The following SEMA6D variants were observed in gnomAD, a reference collection of about 807,000 sequenced individuals.
SEMA6D encodes the protein semaphorin 6D, also known as semaphorin-6D.
A neutral mutation model predicts 106.6 loss-of-function variants in SEMA6D; 35 were observed. The observed-to-expected ratio is 0.33, with a 90% CI of 0.25 to 0.44. SEMA6D has a LOEUF of 0.44. Among genes scored for constraint, SEMA6D ranks in the 20% least tolerant of loss-of-function variants. The probability of loss-of-function intolerance (pLI) is 1.00; values close to 1 mark genes in which losing one functional copy is unlikely to be tolerated. For missense variants in SEMA6D, 1,185 were observed against 1,345.9 expected, an observed-to-expected ratio of 0.88 and a Z score of 1.87; for synonymous variants, 499 against 487.7, an observed-to-expected ratio of 1.02 and a Z score of -0.31.
chr15:47,217,606 G>T (rs957455569), intron 1 of SEMA6D, among the ~76,000 whole-genome samples: 1 of 145,514 alleles, frequency 6.9e-6, no homozygotes, highest in East Asian at 2.0e-4. Flanking sequence ...TAATCCTCTG[G>T]GAGTATATGT....
intron 1 of SEMA6D, among the ~76,000 whole-genome samples, chr15:47,224,197 A>G (rs1475677875): frequency 6.6e-6 from 1 of 150,570 alleles, no homozygotes; most frequent in Non-Finnish European, 1.5e-5. Flanking sequence ...ATTAAATTTA[A>G]AAAAAAAAGA....
At chr15:47,649,020 G>T (rs548021783) in intron 4 of SEMA6D, among the ~76,000 whole-genome samples, 2 of 152,178 alleles carry the variant, frequency 1.3e-5, no homozygotes, top group Non-Finnish European at 2.9e-5. Flanking sequence ...GTATGTCTAT[G>T]TGCATAGGAC....
intron 4 of SEMA6D, among the ~76,000 whole-genome samples, chr15:47,637,256 T>C (rs2077406151): frequency 6.6e-6 from 1 of 152,194 alleles, no homozygotes; most frequent in African/African-American, 2.4e-5. Context: ...ATAAAATATT[T>C]CTTTCCACCC....
chr15:47,625,189 C>A (rs930724849), intron 4 of SEMA6D, among the ~76,000 whole-genome samples: 3 of 152,004 alleles, frequency 2.0e-5, no homozygotes, highest in African/African-American at 7.3e-5. Context: ...AAACCTTGCT[C>A]ATGGAGAGGA....
In SEMA6D at chr15:47,314,831, C is replaced by T. The variant is rs941438941; in HGVS notation, c.-238-97562C>T. Among the ~76,000 whole-genome samples, 5 of 146,788 alleles carry T rather than the reference C, an allele frequency of 3.4e-5. No individual in the cohort carries two copies. In the South Asian group the frequency reaches 6.5e-4, roughly 19 times the overall value. ...TGTATCTAAACAGTCATCATCAAACCCAAATCATCTAGGTTTTCTTTTTTT... is the reference window on the plus strand; with the variant it reads ...TGTATCTAAACAGTCATCATCAAACTCAAATCATCTAGGTTTTCTTTTTTT... On this transcript the variant is annotated intron_variant, in intron 1 of 19. Transcript: ENST00000558014.
At chr15:47,352,916 A>C (rs2038382724) in intron 1 of SEMA6D, among the ~76,000 whole-genome samples, 1 of 152,214 alleles carries the variant, frequency 6.6e-6, no homozygotes, top group African/African-American at 2.4e-5. Flanking sequence ...ATTTCATGAA[A>C]CGGTTGTTGA....
intron 1 of SEMA6D, among the ~76,000 whole-genome samples, chr15:47,723,357 G>A (rs2079536050): frequency 6.6e-6 from 1 of 152,076 alleles, no homozygotes; most frequent in Admixed American, 6.5e-5. Context: ...AGTGGCATAG[G>A]ACAAATGGCA....
Position 47,764,177 on chromosome 15 carries a change from C to T in SEMA6D, c.969C>T (p.Ile323=). The change falls in exon 11 of 19, where the codon ATC becomes ATT. Residue 323 remains isoleucine (I), a synonymous_variant. Coordinates refer to ENST00000536845, the MANE Select transcript of SEMA6D (RefSeq NM_001358351.3). ...TGATGATTTTCTTCCTTTTCAGCAT[C>T]CCTGGTTCTGCTGTCTGTGCATTTA... is the stretch of plus-strand genomic sequence containing the variant. The part of the protein sequence containing the change: ...VGVFTTQLNS[I]PGSAVCAFSM... 6.2e-7 allele frequency: 1 copy of T among 1,613,536 alleles called. No individual in the cohort carries two copies. Among genetic ancestry groups the T allele is most frequent in the Non-Finnish European group, 8.5e-7 (1 of 1,179,698 alleles).
At chr15:47,742,389 G>A (rs1369732095) in intron 1 of SEMA6D, among the ~76,000 whole-genome samples, 1 of 152,074 alleles carries the variant, frequency 6.6e-6, no homozygotes, top group African/African-American at 2.4e-5. Context: ...AGCAGCCAGC[G>A]GTGCCTTGCT....
intron 1 of SEMA6D, among the ~76,000 whole-genome samples, chr15:47,386,242 T>C (rs936610712): frequency 6.6e-6 from 1 of 151,750 alleles, no homozygotes; most frequent in African/African-American, 2.4e-5. Flanking sequence ...AGATAAGAGG[T>C]AACAGGAAAA....
At chr15:47,647,269 C>T (rs544770349) in intron 4 of SEMA6D, among the ~76,000 whole-genome samples, 4 of 152,100 alleles carry the variant, frequency 2.6e-5, no homozygotes, top group Admixed American at 6.6e-5. Context: ...AATTTAATAG[C>T]GTGTCAACAA....
At chr15:47,457,240 C>G (rs2042371545) in intron 2 of SEMA6D, among the ~76,000 whole-genome samples, 2 of 152,026 alleles carry the variant, frequency 1.3e-5, no homozygotes, top group South Asian at 4.2e-4. Flanking sequence ...CTCAAACCTA[C>G]TTTAAAGAAT....
chr15:47,187,096 A>C (rs1351864258), intron 1 of SEMA6D, among the ~76,000 whole-genome samples: 1 of 152,198 alleles, frequency 6.6e-6, no homozygotes, highest in Non-Finnish European at 1.5e-5. Flanking sequence ...TGAAGAATGA[A>C]CCATTGTTTT....
At chr15:47,675,070 G>A (rs141695909) in intron 4 of SEMA6D, among the ~76,000 whole-genome samples, 194 of 152,348 alleles carry the variant, frequency 1.3e-3, no homozygotes, top group Admixed American at 4.4e-3. Flanking sequence ...CGATCCAGGA[G>A]TGACCTTGGT....
chr15:47,286,495 G>C (rs7173058), intron 1 of SEMA6D, among the ~76,000 whole-genome samples: 94,958 of 151,998 alleles, frequency 0.62, 30,129 homozygotes, highest in East Asian at 0.92. Context: ...TTTTCCGAAA[G>C]AAAAATATTC....
At chr15:47,288,982 C>T (rs2035486198) in intron 1 of SEMA6D, among the ~76,000 whole-genome samples, 2 of 152,102 alleles carry the variant, frequency 1.3e-5, no homozygotes, top group South Asian at 4.1e-4. Context: ...TGCTGGGCAA[C>T]CCAGAGTTGA....
rs143784507 is a variant in SEMA6D, at chr15:47,734,534, C to T, written c.-55+16842C>T. Among the ~76,000 whole-genome samples the T allele has an allele frequency of 8.0e-3, 1,222 of 152,310 alleles. 10 individuals are homozygous for T. Among genetic ancestry groups the T allele is most frequent in the Non-Finnish European group, 0.012 (820 of 68,032 alleles). ...CTCCTTGTCACCAATGAAATTTACT[C>T]TGTATTGATCTGAGTAAGCAGACAT... On this transcript the variant is annotated intron_variant, in intron 1 of 18. Coordinates refer to ENST00000536845, the MANE Select transcript of SEMA6D (RefSeq NM_001358351.3).
chr15:47,219,229 G>A (rs2141340910), intron 1 of SEMA6D, among the ~76,000 whole-genome samples: 1 of 152,304 alleles, frequency 6.6e-6, no homozygotes, highest in East Asian at 1.9e-4. Context: ...GCTGGATGGA[G>A]TTGGGAGTGG....
Position 47,467,282 on chromosome 15 carries a change from AT to A in SEMA6D, c.-158-3189del, listed in dbSNP as rs201573094. ...GCCAAGTTTCCAAGCATTTATTGTA[AT>A]TTATGTTTCATAGACCAGTTATCAT... On this transcript the variant is annotated intron_variant, in intron 2 of 19. Transcript: ENST00000558014. Among the ~76,000 whole-genome samples, 849 of 152,148 alleles carry A rather than the reference AT, an allele frequency of 5.6e-3. 6 individuals carry two copies. The highest frequency in any genetic ancestry group is 0.015 in the Admixed American group (227 of 15,278).
Sources: allele counts gnomAD v4.1 joint callset (sites outside exome capture counted in the v4.1 genomes callset), GRCh38; gene constraint gnomAD v4.1.1; transcripts MANE v1.5; gene names NCBI Gene and HGNC (gene_info 2026-07-23, HGNC 2026-07-21).